The following CAST variants were observed in gnomAD, a reference collection of about 807,000 sequenced individuals.
The protein encoded by CAST is MIR583 host.
CAST carries 76 observed loss-of-function variants against 119.6 expected under a neutral mutation model. The observed-to-expected ratio is 0.64, with a 90% confidence interval of 0.53 to 0.77. CAST has a LOEUF of 0.77. Ranked by LOEUF, CAST falls within the 30% of genes least tolerant of loss-of-function variation. The probability of loss-of-function intolerance (pLI) is 0.00; values close to 1 mark genes in which losing one functional copy is unlikely to be tolerated. For synonymous variants in CAST, 319 were observed against 331.6 expected (o/e 0.96, Z 0.41); for missense variants, 953 against 946.5 (o/e 1.01, Z -0.09).
chr5:96,249,536 C>G, the CAST span, among the ~76,000 whole-genome samples: 15 of 152,166 alleles, frequency 9.9e-5, no homozygotes, highest in Non-Finnish European at 1.8e-4. Flanking sequence ...CTATAACGAC[C>G]ACTTAGGTTG....
At chr5:96,318,538 G>A in the CAST span, 1 of 152,180 alleles carries the variant, frequency 6.6e-6, no homozygotes, top group Non-Finnish European at 1.5e-5. Flanking sequence ...TCTTGGTACT[G>A]TTCAAAGTAA....
chr5:96,370,336 G>C, the CAST span, among the ~76,000 whole-genome samples: 1 of 152,072 alleles, frequency 6.6e-6, no homozygotes, highest in African/African-American at 2.4e-5. Context: ...AGACTTCTGG[G>C]TATTTCTAGG....
intron 1 of CAST, among the ~76,000 whole-genome samples, chr5:96,638,056 AG>A (rs1201585776): frequency 1.3e-5 from 2 of 152,214 alleles, no homozygotes; most frequent in African/African-American, 4.8e-5. Context: ...CATGGCATGC[AG>A]CTTGGCAAGG....
the CAST span, among the ~76,000 whole-genome samples, chr5:96,316,062 C>A: frequency 6.6e-6 from 1 of 152,204 alleles, no homozygotes; most frequent in Non-Finnish European, 1.5e-5. Context: ...GAATTTCTGA[C>A]CCATGACATC....
chr5:96,572,297 T>C (rs1034296217), intron 1 of CAST, among the ~76,000 whole-genome samples: 3 of 151,740 alleles, frequency 2.0e-5, no homozygotes, highest in Non-Finnish European at 4.4e-5. Flanking sequence ...GCCTCCTGGG[T>C]TCGAGCAATT....
At chr5:96,008,566 G>A in the CAST span, among the ~76,000 whole-genome samples, 1 of 152,212 alleles carries the variant, frequency 6.6e-6, no homozygotes, top group East Asian at 1.9e-4. Flanking sequence ...TAATCTATGT[G>A]GTTGAAGGGA....
the CAST span, among the ~76,000 whole-genome samples, chr5:96,429,622 A>G: frequency 0.28 from 42,347 of 151,862 alleles, 6,111 homozygotes; most frequent in African/African-American, 0.34. Context: ...CCACCCTCCA[A>G]AAGGCCCCAG....
the CAST span, among the ~76,000 whole-genome samples, chr5:96,459,106 G>A: frequency 1.7e-3 from 255 of 152,208 alleles, no homozygotes; most frequent in South Asian, 2.7e-3. Flanking sequence ...TCCCCAGATC[G>A]AGCAATATCC....
At chr5:96,267,788 C>T in the CAST span, among the ~76,000 whole-genome samples, 1 of 152,162 alleles carries the variant, frequency 6.6e-6, no homozygotes, top group Non-Finnish European at 1.5e-5. Flanking sequence ...GAATACTCTA[C>T]TGCTGTAATT....
At chr5:96,751,501 G>T (rs756174291) in intron 20 of CAST, among the ~76,000 whole-genome samples, 1 of 152,200 alleles carries the variant, frequency 6.6e-6, no homozygotes, top group African/African-American at 2.4e-5. Flanking sequence ...TGAGATGAAA[G>T]ATATGGCCCC....
chr5:96,108,638 A>G, the CAST span, among the ~76,000 whole-genome samples: 3 of 152,252 alleles, frequency 2.0e-5, no homozygotes, highest in African/African-American at 7.2e-5. Context: ...GCTGTCAGAC[A>G]GGGACATTTA....
At chr5:96,104,175 T>G in the CAST span, among the ~76,000 whole-genome samples, 1 of 152,334 alleles carries the variant, frequency 6.6e-6, no homozygotes, top group South Asian at 2.1e-4. Flanking sequence ...TTTCGCCCAT[T>G]TTGTAGGTTG....
the CAST span, chr5:96,391,627 A>AGGAG: frequency 6.6e-6 from 1 of 152,192 alleles, no homozygotes; most frequent in African/African-American, 2.4e-5. Context: ...GCAAAATCAA[A>AGGAG]TGCCTATTGG....
chr5:96,037,695 T>A, the CAST span, among the ~76,000 whole-genome samples: 1 of 152,124 alleles, frequency 6.6e-6, no homozygotes, highest in Admixed American at 6.6e-5. Context: ...AACCCCAACA[T>A]TTAGTGGCTT....
chr5:96,482,281 A>G, the CAST span, among the ~76,000 whole-genome samples: 1 of 152,030 alleles, frequency 6.6e-6, no homozygotes, highest in Non-Finnish European at 1.5e-5. Flanking sequence ...AGGTTAGCAC[A>G]GGTTAGTACA....
intron 22 of CAST, among the ~76,000 whole-genome samples, chr5:96,756,263 AG>A (rs1766305113): frequency 6.6e-6 from 1 of 152,292 alleles, no homozygotes; most frequent in South Asian, 2.1e-4. Flanking sequence ...CAGTTTGAGT[AG>A]GGAGCAAAAG....
intron 1 of CAST, among the ~76,000 whole-genome samples, chr5:96,649,374 G>A (rs1423615210): frequency 6.6e-6 from 1 of 152,176 alleles, no homozygotes; most frequent in Non-Finnish European, 1.5e-5. Flanking sequence ...CAGGGTTAAA[G>A]TTCTTCTCTC....
At chr5:96,105,577 G>A in the CAST span, among the ~76,000 whole-genome samples, 1 of 152,138 alleles carries the variant, frequency 6.6e-6, no homozygotes, top group African/African-American at 2.4e-5. Context: ...GCATCCCAGG[G>A]ATGAAGCCCA....
intron 1 of CAST, among the ~76,000 whole-genome samples, chr5:96,607,055 G>A (rs925147678): frequency 3.3e-5 from 5 of 152,166 alleles, no homozygotes; most frequent in Admixed American, 1.3e-4. Flanking sequence ...TTGGGAGGCC[G>A]AGGCGGGCGG....
Sources: allele counts gnomAD v4.1 joint callset (sites outside exome capture counted in the v4.1 genomes callset), GRCh38; gene constraint gnomAD v4.1.1; transcripts MANE v1.5; gene names NCBI Gene and HGNC (gene_info 2026-07-23, HGNC 2026-07-21).